Variants in UBE2G1 observed in about 807,000 individuals in gnomAD.
The protein encoded by UBE2G1 is ubiquitin-conjugating enzyme E2 G1.
UBE2G1 carries 5 observed loss-of-function variants against 22.7 expected under a neutral mutation model. The observed-to-expected ratio is 0.22, with a 90% CI of 0.12 to 0.46. UBE2G1 has a LOEUF of 0.46. Ranked by LOEUF, UBE2G1 falls within the 20% of genes least tolerant of loss-of-function variation. The pLI, the probability that UBE2G1 is intolerant of heterozygous loss-of-function variation, is 0.99. For missense variants in UBE2G1, 88 were observed against 203.9 expected (o/e 0.43, Z 3.46); for synonymous variants, 74 against 67.5 (o/e 1.10, Z -0.47).
chr17:4,305,185 C>A (rs139813828), intron 2 of UBE2G1, among the ~76,000 whole-genome samples: 11 of 152,218 alleles, frequency 7.2e-5, no homozygotes, highest in African/African-American at 2.6e-4. Flanking sequence ...CAACTCTCGA[C>A]CTCAGGTGAT....
chr17:4,279,785 T>TTATATATA lies in UBE2G1; in HGVS notation c.*37+3005_*37+3012dup, dbSNP rs71144177. On this transcript the variant is annotated intron_variant, in intron 5 of 5. Coordinates refer to ENST00000396981, the MANE Select transcript of UBE2G1 (RefSeq NM_003342.5). ...GCGAAACTCTGCCCCCAAAAAAAAG[T>TTATATATA]TATATATATATATATATATATATAT... Among the ~76,000 whole-genome samples the TTATATATA allele has an allele frequency of 3.0e-3, 205 of 68,642 alleles. 5 individuals carry two copies. The highest frequency in any genetic ancestry group is 4.3e-3 in the African/African-American group (98 of 23,048). The allele number at this position is 68,642 out of a possible 152,430, so 45.0% of individuals were successfully genotyped here.
chr17:4,287,759 C>T (rs1177754152), intron 4 of UBE2G1, among the ~76,000 whole-genome samples: 1 of 151,878 alleles, frequency 6.6e-6, no homozygotes. Context: ...GAAAAAAAGG[C>T]TTTTCAAAGA....
At chr17:4,299,445 G>A (rs2143716197) in intron 2 of UBE2G1, among the ~76,000 whole-genome samples, 1 of 152,258 alleles carries the variant, frequency 6.6e-6, no homozygotes, top group East Asian at 1.9e-4. Flanking sequence ...CAAAGCCACT[G>A]CCACAAAGCC....
intron 1 of UBE2G1, among the ~76,000 whole-genome samples, chr17:4,356,837 T>C (rs1969911369): frequency 6.6e-6 from 1 of 152,232 alleles, no homozygotes; most frequent in South Asian, 2.1e-4. Flanking sequence ...AAATATTAAG[T>C]TCTTTATTTG....
chr17:4,323,693 T>A (rs1442960579), intron 1 of UBE2G1, among the ~76,000 whole-genome samples: 1 of 152,122 alleles, frequency 6.6e-6, no homozygotes, highest in Non-Finnish European at 1.5e-5. Flanking sequence ...GGTCTATAGG[T>A]ACATGGCACC....
chr17:4,340,935 T>C (rs1442054694), intron 1 of UBE2G1, among the ~76,000 whole-genome samples: 1 of 143,514 alleles, frequency 7.0e-6, no homozygotes, highest in Non-Finnish European at 1.5e-5. Flanking sequence ...AACCATAACA[T>C]GAATATAACA....
chr17:4,270,550 A>G lies in UBE2G1; in HGVS notation c.*2004T>C, dbSNP rs970812328. 10 of 17,196 alleles carry G rather than the reference A, an allele frequency of 5.8e-4. No individual in the cohort carries two copies. The highest frequency in any genetic ancestry group is 5.1e-3 in the Admixed American group (10 of 1,962). 1.1% of individuals were successfully genotyped at this position (17,196 alleles called of 1,614,324 possible). On this transcript the variant is annotated 3_prime_UTR_variant, in exon 6 of 6. Coordinates refer to ENST00000396981, the MANE Select transcript of UBE2G1 (RefSeq NM_003342.5). ...GGGTGACAGAGAGACCCAGTTTCTT[A>G]AAAAAAAAAAAAAAAAAGTAAAAAG...
At chr17:4,340,096 T>A (rs555607538) in intron 1 of UBE2G1, among the ~76,000 whole-genome samples, 1 of 152,192 alleles carries the variant, frequency 6.6e-6, no homozygotes, top group African/African-American at 2.4e-5. Flanking sequence ...TTTTTTTAAC[T>A]GTTTGTAGAG....
At chr17:4,359,157 G>A (rs566718484) in intron 1 of UBE2G1, among the ~76,000 whole-genome samples, 1 of 152,112 alleles carries the variant, frequency 6.6e-6, no homozygotes, top group East Asian at 1.9e-4. Flanking sequence ...AAGGAAAAGT[G>A]TCTCCTGACA....
At chr17:4,366,006 G>A (rs1216016716) in intron 1 of UBE2G1, among the ~76,000 whole-genome samples, 1 of 152,038 alleles carries the variant, frequency 6.6e-6, no homozygotes, top group Non-Finnish European at 1.5e-5. Flanking sequence ...CAGAACGGTG[G>A]GGGAGGGGAC....
chr17:4,356,493 C>G (rs930238741), intron 1 of UBE2G1, among the ~76,000 whole-genome samples: 1 of 152,204 alleles, frequency 6.6e-6, no homozygotes, highest in Non-Finnish European at 1.5e-5. Flanking sequence ...CATATAAGGG[C>G]TCAATAAATA....
At chr17:4,338,715 T>C (rs1969677564) in intron 1 of UBE2G1, among the ~76,000 whole-genome samples, 1 of 152,270 alleles carries the variant, frequency 6.6e-6, no homozygotes, top group Non-Finnish European at 1.5e-5. Flanking sequence ...TCAACTCATT[T>C]ACTCTCAAAA....
intron 1 of UBE2G1, among the ~76,000 whole-genome samples, chr17:4,354,544 GC>G (rs1567530739): frequency 6.6e-6 from 1 of 152,134 alleles, no homozygotes; most frequent in Non-Finnish European, 1.5e-5. Flanking sequence ...CTCTGAGAAG[GC>G]TGAGAAGGAA....
chr17:4,292,798 T>C (rs976567644), intron 3 of UBE2G1, among the ~76,000 whole-genome samples: 2 of 152,228 alleles, frequency 1.3e-5, no homozygotes, highest in Non-Finnish European at 2.9e-5. Flanking sequence ...ACCCATTCAT[T>C]ATCATGTTAT....
At chr17:4,323,442 C>A (rs1481212238) in intron 1 of UBE2G1, among the ~76,000 whole-genome samples, 1 of 152,150 alleles carries the variant, frequency 6.6e-6, no homozygotes, top group East Asian at 1.9e-4. Flanking sequence ...AGAAGGCATA[C>A]GAATTCATCA....
rs563391663 is a variant in UBE2G1, at chr17:4,356,084, G to A, written c.46+10187C>T. Among the ~76,000 whole-genome samples, 139 of 147,110 alleles carry A rather than the reference G, an allele frequency of 9.4e-4. 1 individual carries two copies. The highest frequency in any genetic ancestry group is 1.3e-3 in the Non-Finnish European group (88 of 67,124). On this transcript the variant is annotated intron_variant, in intron 1 of 5. Transcript: ENST00000396981. ...AAAAAAAAAAAAAAAGGCCAGGCAC[G>A]GTGGCTTACGCCTGTAATCCCAGCA...
At chr17:4,286,914 G>A (rs1290710715) in intron 4 of UBE2G1, among the ~76,000 whole-genome samples, 3 of 151,846 alleles carry the variant, frequency 2.0e-5, no homozygotes, top group South Asian at 2.1e-4. Flanking sequence ...GCGTGGTTCC[G>A]CACGTCTGTA....
intron 1 of UBE2G1, among the ~76,000 whole-genome samples, chr17:4,344,056 C>A (rs1969741702): frequency 6.6e-6 from 1 of 152,172 alleles, no homozygotes; most frequent in African/African-American, 2.4e-5. Flanking sequence ...GGTACTCCAA[C>A]AGGCTTCTAA....
At chr17:4,357,537 T>G (rs1303671526) in intron 1 of UBE2G1, among the ~76,000 whole-genome samples, 3 of 142,452 alleles carry the variant, frequency 2.1e-5, no homozygotes, top group Non-Finnish European at 4.6e-5. Context: ...TATAACTCTA[T>G]GCAATTTTAT....
Sources: allele counts gnomAD v4.1 joint callset (sites outside exome capture counted in the v4.1 genomes callset), GRCh38; gene constraint gnomAD v4.1.1; transcripts MANE v1.5; gene names NCBI Gene and HGNC (gene_info 2026-07-23, HGNC 2026-07-21).